The following PPM1L variants were observed in gnomAD, a reference collection of about 807,000 sequenced individuals.
The protein encoded by PPM1L is protein phosphatase 1L.
In PPM1L, 13 loss-of-function variants were observed where a neutral mutation model predicts 31.4. That is an observed-to-expected ratio of 0.41 (90% confidence interval 0.27 to 0.66). The LOEUF is 0.66. PPM1L is among the 30% of genes least tolerant of loss of function. PPM1L has a pLI of 0.29. For synonymous variants in PPM1L, 184 were observed against 175.4 expected (o/e 1.05, Z -0.39); for missense variants, 326 against 453.7 (o/e 0.72, Z 2.56).
intron 3 of PPM1L, among the ~76,000 whole-genome samples, chr3:161,068,221 C>T (rs1719798395): frequency 6.6e-6 from 1 of 152,162 alleles, no homozygotes; most frequent in Non-Finnish European, 1.5e-5. Context: ...GCCAGGGAGA[C>T]TGAGGATCAG....
At chr3:160,967,325 C>T (rs1327220504) in intron 2 of PPM1L, among the ~76,000 whole-genome samples, 1 of 151,950 alleles carries the variant, frequency 6.6e-6, no homozygotes, top group East Asian at 1.9e-4. Flanking sequence ...TGGACTAATA[C>T]ACCCTGCTTT....
chr3:160,814,510 TATATATATACACACAC>T (rs1280252296), intron 1 of PPM1L, among the ~76,000 whole-genome samples: 43 of 115,094 alleles, frequency 3.7e-4, no homozygotes, highest in African/African-American at 1.6e-3. Context: ...TATGTATGTG[TATATATATACACACAC>T]ATATGTATGT....
At chr3:160,970,480 C>T (rs1257633426) in intron 2 of PPM1L, among the ~76,000 whole-genome samples, 1 of 132,552 alleles carries the variant, frequency 7.5e-6, no homozygotes, top group Non-Finnish European at 1.5e-5. Flanking sequence ...GATGGAGTGT[C>T]ACTTTGTTGC....
intron 1 of PPM1L, among the ~76,000 whole-genome samples, chr3:160,890,302 A>G (rs546388828): frequency 6.6e-6 from 1 of 152,360 alleles, no homozygotes; most frequent in South Asian, 2.1e-4. Flanking sequence ...GTCTCAGGAT[A>G]CAAAATCAAT....
intron 1 of PPM1L, among the ~76,000 whole-genome samples, chr3:160,956,920 T>C (rs919743422): frequency 1.3e-5 from 2 of 152,246 alleles, no homozygotes; most frequent in Non-Finnish European, 2.9e-5. Context: ...TTCTATGGTA[T>C]AAAGCATTGA....
intron 1 of PPM1L, 49 bp from the exon 2 acceptor site, chr3:160,961,687 G>A (rs950685575): frequency 6.6e-7 from 1 of 1,510,930 alleles, no homozygotes; most frequent in Middle Eastern, 1.7e-4. Flanking sequence ...AAAAGTCTAA[G>A]GGGAGAATTT....
intron 1 of PPM1L, among the ~76,000 whole-genome samples, chr3:160,959,467 A>G (rs768033609): frequency 6.6e-6 from 1 of 152,210 alleles, no homozygotes; most frequent in Non-Finnish European, 1.5e-5. Flanking sequence ...TAAAAACCAA[A>G]TACACTTTAA....
At chr3:161,016,622 A>G (rs1470824827) in intron 2 of PPM1L, among the ~76,000 whole-genome samples, 5 of 152,238 alleles carry the variant, frequency 3.3e-5, no homozygotes, top group Non-Finnish European at 7.3e-5. Flanking sequence ...TTGCCAGAAA[A>G]TATTATTTCA....
At chr3:160,810,077 C>T (rs1296795752) in intron 1 of PPM1L, among the ~76,000 whole-genome samples, 2 of 151,846 alleles carry the variant, frequency 1.3e-5, no homozygotes, top group Non-Finnish European at 2.9e-5. Context: ...TCTGCCATCC[C>T]TGCTTGGTGT....
chr3:160,944,383 C>T (rs146804352), intron 1 of PPM1L, among the ~76,000 whole-genome samples: 1 of 151,574 alleles, frequency 6.6e-6, no homozygotes, highest in African/African-American at 2.4e-5. Flanking sequence ...TTTTATAATG[C>T]TTAATCACAT....
At chr3:160,925,485 TAG>T (rs1714554798) in intron 1 of PPM1L, among the ~76,000 whole-genome samples, 1 of 152,190 alleles carries the variant, frequency 6.6e-6, no homozygotes, top group African/African-American at 2.4e-5. Flanking sequence ...TAACAAAATT[TAG>T]AGTCTTGGAT....
At chr3:160,980,033 A>T (rs944028859) in intron 2 of PPM1L, among the ~76,000 whole-genome samples, 6 of 152,022 alleles carry the variant, frequency 3.9e-5, no homozygotes, top group South Asian at 2.1e-4. Flanking sequence ...ACCCTGGGCC[A>T]GAACTGGTTC....
Position 160,944,823 on chromosome 3 carries a change from A to ATATATAACATATATTATATATGT in PPM1L, c.400-16899_400-16898insTATATATGTTATATAACATATAT, listed in dbSNP as rs1715297954. On this transcript the variant is annotated intron_variant, in intron 1 of 3. Transcript: ENST00000498165. ...ATAACATATATAACATATATATGTT[A>ATATATAACATATATTATATATGT]TATATAACATATATATGTTATATAT... Among the ~76,000 whole-genome samples, 18 of 16,700 alleles carry ATATATAACATATATTATATATGT rather than the reference A, an allele frequency of 1.1e-3. 3 individuals are homozygous for ATATATAACATATATTATATATGT. Among genetic ancestry groups the ATATATAACATATATTATATATGT allele is most frequent in the Non-Finnish European group, 2.0e-3 (14 of 6,850 alleles). 11.0% of individuals were successfully genotyped at this position (16,700 alleles called of 152,430 possible). A position where few individuals can be genotyped will look rare whatever the true frequency, so the allele number is the denominator to read the frequency against.
intron 2 of PPM1L, among the ~76,000 whole-genome samples, chr3:161,000,888 A>C (rs1480295369): frequency 2.6e-5 from 4 of 152,200 alleles, no homozygotes. Flanking sequence ...AAACCTCTTT[A>C]ATCCTTCAGT....
At chr3:160,875,466 T>A (rs1712474636) in intron 1 of PPM1L, among the ~76,000 whole-genome samples, 1 of 152,252 alleles carries the variant, frequency 6.6e-6, no homozygotes, top group Non-Finnish European at 1.5e-5. Flanking sequence ...TCTCTAAATG[T>A]AAGTTCATTC....
intron 2 of PPM1L, among the ~76,000 whole-genome samples, chr3:161,002,101 T>C (rs1004913026): frequency 9.9e-5 from 15 of 152,168 alleles, no homozygotes; most frequent in African/African-American, 3.4e-4. Flanking sequence ...GGTTTTGTGT[T>C]CTTGCGATAG....
At chr3:160,896,070 C>T (rs1713325608) in intron 1 of PPM1L, among the ~76,000 whole-genome samples, 1 of 152,130 alleles carries the variant, frequency 6.6e-6, no homozygotes, top group Non-Finnish European at 1.5e-5. Flanking sequence ...TCTCATGAAG[C>T]ATTTGAAGGA....
At chr3:160,762,923 T>C (rs1268973297) in intron 1 of PPM1L, among the ~76,000 whole-genome samples, 1 of 152,186 alleles carries the variant, frequency 6.6e-6, no homozygotes, top group African/African-American at 2.4e-5. Flanking sequence ...ATTTTTAAAT[T>C]AACTGTTTTT....
At chr3:161,004,817 G>A (rs1242515901) in intron 2 of PPM1L, among the ~76,000 whole-genome samples, 1 of 151,884 alleles carries the variant, frequency 6.6e-6, no homozygotes, top group African/African-American at 2.4e-5. Flanking sequence ...ATTTTTTGAA[G>A]GGTTTTTTGT....
Sources: gnomAD v4.1 joint callset for allele counts (sites outside exome capture counted in the v4.1 genomes callset) on GRCh38, gnomAD v4.1.1 for gene constraint, MANE v1.5 for transcripts, NCBI Gene and HGNC (gene_info 2026-07-23, HGNC 2026-07-21) for gene names.